Variants in PTP4A2 observed in about 807,000 individuals in gnomAD.
PTP4A2 encodes the protein protein tyrosine phosphatase type IVA 2.
A neutral mutation model predicts 22.9 loss-of-function variants in PTP4A2; 2 were observed. The observed-to-expected ratio is 0.09, with a 90% CI of 0.04 to 0.27. PTP4A2 has a LOEUF of 0.27. Ranked by LOEUF, PTP4A2 falls within the 10% of genes least tolerant of loss-of-function variation. PTP4A2 has a pLI of 1.00. For missense variants in PTP4A2, 103 were observed against 205.1 expected (o/e 0.50, Z 3.04); for synonymous variants, 68 against 69.1 (o/e 0.98, Z 0.08).
chr1:31,918,826 C>A (rs1400137442), intron 2 of PTP4A2, 144 bp downstream of exon 2: 2 of 527,992 alleles, frequency 3.8e-6, no homozygotes, highest in Non-Finnish European at 6.9e-6. Flanking sequence ...TTGAAAAAAT[C>A]TGCTGTAACT....
chr1:31,928,276 A>C (rs940352846), intron 1 of PTP4A2, among the ~76,000 whole-genome samples: 1 of 149,090 alleles, frequency 6.7e-6, no homozygotes, highest in Non-Finnish European at 1.5e-5. Context: ...ATTAATATTA[A>C]TATCCCTCCT....
At chr1:31,934,473 T>C (rs191649671) in intron 1 of PTP4A2, among the ~76,000 whole-genome samples, 3 of 152,332 alleles carry the variant, frequency 2.0e-5, no homozygotes, top group Non-Finnish European at 4.4e-5. Context: ...TATTTGTAAA[T>C]ACATTCGTTT....
rs868505475 is a variant in PTP4A2, at chr1:31,908,117, T to A, written c.*735A>T. On this transcript the variant is annotated 3_prime_UTR_variant, in exon 6 of 6. Coordinates refer to ENST00000647444, the MANE Select transcript of PTP4A2 (RefSeq NM_080391.4). ...AAGACTAAAAACCACCTGGAAAATA[T>A]ATATATATATATATATATTATATTA... is the stretch of plus-strand genomic sequence containing the variant. 3.0e-4 allele frequency: 1 copy of A among 3,364 alleles called. No homozygotes were observed. The highest frequency in any genetic ancestry group is 1.0e-3 in the African/African-American group (1 of 998). The allele number at this position is 3,364 out of a possible 1,614,324, so 0.2% of individuals were successfully genotyped here. A position where few individuals can be genotyped will look rare whatever the true frequency, so the allele number is the denominator to read the frequency against.
chr1:31,922,376 G>T (rs1353032385), intron 1 of PTP4A2, among the ~76,000 whole-genome samples: 1 of 152,102 alleles, frequency 6.6e-6, no homozygotes, highest in African/African-American at 2.4e-5. Flanking sequence ...CCACCTACTC[G>T]GGAGGCTGAG....
At chr1:31,928,890 G>C (rs931251847) in intron 1 of PTP4A2, among the ~76,000 whole-genome samples, 1 of 151,986 alleles carries the variant, frequency 6.6e-6, no homozygotes, top group African/African-American at 2.4e-5. Context: ...AAGATACATG[G>C]CCAGCCACTC....
chr1:31,937,841 C>T, intron 1 of PTP4A2, 146 bp downstream of exon 1: 1 of 152,704 alleles, frequency 6.5e-6, no homozygotes, highest in Non-Finnish European at 1.5e-5. Flanking sequence ...CGCTCACCCA[C>T]CCTCGCTCCC....
chr1:31,918,684 C>T (rs1651984522), intron 2 of PTP4A2, among the ~76,000 whole-genome samples: 1 of 152,132 alleles, frequency 6.6e-6, no homozygotes, highest in Non-Finnish European at 1.5e-5. Flanking sequence ...ATGCTAAGTG[C>T]ATATCGTGGT....
In PTP4A2 at chr1:31,915,770, G is replaced by A. The variant is rs113569429; in HGVS notation, c.189+125C>T. The A allele has an allele frequency of 3.9e-5, 25 of 638,780 alleles. No individual in the cohort carries two copies. In the Middle Eastern group the frequency reaches 1.3e-3, roughly 34 times the overall value. 39.6% of individuals were successfully genotyped at this position (638,780 alleles called of 1,614,324 possible). ...GCCCAGGCTGGTCTTGAACTCCTGGGTTCAAGTGATCTTCCCACAATATTG... is the reference window on the plus strand; with the variant it reads ...GCCCAGGCTGGTCTTGAACTCCTGGATTCAAGTGATCTTCCCACAATATTG... On this transcript the variant is annotated intron_variant, in intron 3 of 5. Coordinates refer to ENST00000647444, the MANE Select transcript of PTP4A2 (RefSeq NM_080391.4).
chr1:31,913,937 T>G (rs1651681880), intron 3 of PTP4A2: 24 of 454,380 alleles, frequency 5.3e-5, no homozygotes, highest in South Asian at 3.7e-4. Context: ...AGTTTAAATT[T>G]TATTACTACT....
intron 4 of PTP4A2, chr1:31,910,819 G>C (rs1296004485): frequency 6.6e-6 from 1 of 152,096 alleles, no homozygotes; most frequent in African/African-American, 2.4e-5. Context: ...CTTATCAAAT[G>C]CTAAAAAGGT....
intron 3 of PTP4A2, chr1:31,913,126 A>G (rs1320784363): frequency 2.5e-6 from 1 of 399,794 alleles, no homozygotes. Context: ...CCTCAAATTG[A>G]TACAGCTAAA....
intron 2 of PTP4A2, among the ~76,000 whole-genome samples, chr1:31,916,717 C>T (rs1274640838): frequency 6.6e-6 from 1 of 152,108 alleles, no homozygotes; most frequent in African/African-American, 2.4e-5. Context: ...AAGTATGGCA[C>T]ATCCATATAG....
rs1651301643 is a variant in PTP4A2, at chr1:31,908,139, ATTATATAT to A, written c.*705_*712del. On this transcript the variant is annotated 3_prime_UTR_variant, in exon 6 of 6. Transcript: ENST00000647444. ...ATATATATATATATATATATATTAT[ATTATATAT>A]ATATATATATATATATATATATATA... 2.4e-4 allele frequency: 1 copy of A among 4,248 alleles called. No individual in the cohort carries two copies. The highest frequency in any genetic ancestry group is 3.7e-4 in the Non-Finnish European group (1 of 2,706). The allele number at this position is 4,248 out of a possible 1,614,324, so 0.3% of individuals were successfully genotyped here.
chr1:31,912,751 C>T (rs769798215), intron 3 of PTP4A2, among the ~76,000 whole-genome samples: 28 of 152,082 alleles, frequency 1.8e-4, no homozygotes, highest in Non-Finnish European at 3.2e-4. Flanking sequence ...TAAGGCTATT[C>T]TAATGAGATT....
At chr1:31,923,623 C>T (rs1247050477) in intron 1 of PTP4A2, among the ~76,000 whole-genome samples, 3 of 152,032 alleles carry the variant, frequency 2.0e-5, no homozygotes, top group South Asian at 2.1e-4. Context: ...CGTGAGCCAC[C>T]GCGCCCAGCC....
At chr1:31,931,162 TGA>T (rs1367143649) in intron 1 of PTP4A2, 2 of 152,184 alleles carry the variant, frequency 1.3e-5, no homozygotes, top group Non-Finnish European at 2.9e-5. Flanking sequence ...TCAACGTGGG[TGA>T]AAAATGCTTG....
Position 31,919,112 on chromosome 1 carries a change from AGT to A in PTP4A2, c.-49_-48del. ...GCGTGCGTGTGAGTGTGATGGGGAA[AGT>A]GAAAAAAAAAAATCAATAAATCTTG... On this transcript the variant is annotated 5_prime_UTR_variant, in exon 2 of 6. Transcript: ENST00000647444. The A allele has an allele frequency of 1.1e-6, 1 of 930,328 alleles. No homozygotes were observed. Among genetic ancestry groups the A allele is most frequent in the Non-Finnish European group, 1.7e-6 (1 of 582,302 alleles). The allele number at this position is 930,328 out of a possible 1,614,324, so 57.6% of individuals were successfully genotyped here. A position where few individuals can be genotyped will look rare whatever the true frequency, so the allele number is the denominator to read the frequency against.
intron 3 of PTP4A2, among the ~76,000 whole-genome samples, chr1:31,913,189 A>T (rs954631188): frequency 1.3e-5 from 2 of 152,170 alleles, no homozygotes; most frequent in Admixed American, 6.5e-5. Context: ...CATTCAGAGG[A>T]CTGACAGGCC....
intron 1 of PTP4A2, among the ~76,000 whole-genome samples, chr1:31,922,168 T>A (rs570856119): frequency 1.3e-5 from 2 of 152,234 alleles, no homozygotes; most frequent in South Asian, 2.1e-4. Context: ...AACAGAAACA[T>A]CAACTACCCT....
Sources: allele counts gnomAD v4.1 joint callset (sites outside exome capture counted in the v4.1 genomes callset), GRCh38; gene constraint gnomAD v4.1.1; transcripts MANE v1.5; gene names NCBI Gene and HGNC (gene_info 2026-07-23, HGNC 2026-07-21).